Variants in FGF1 observed in about 807,000 individuals in gnomAD.
The protein encoded by FGF1 is beta-endothelial cell growth factor.
FGF1 carries 9 observed loss-of-function variants against 13.4 expected under a neutral mutation model. The observed-to-expected ratio is 0.67, with a 90% confidence interval of 0.40 to 1.17. The LOEUF is 1.17. FGF1 is among the 50% of genes most tolerant of loss of function. FGF1 has a pLI of 0.01. For synonymous variants in FGF1, 93 were observed against 79.0 expected, an observed-to-expected ratio of 1.18 and a Z score of -0.94; for missense variants, 156 against 192.7, an observed-to-expected ratio of 0.81 and a Z score of 1.13.
intron 1 of FGF1, among the ~76,000 whole-genome samples, chr5:142,655,171 T>C (rs1471910370): frequency 6.6e-6 from 1 of 152,192 alleles, no homozygotes; most frequent in East Asian, 1.9e-4. Context: ...AACGTGGTAA[T>C]AGCAGCACAG....
At chr5:142,651,056 A>G (rs1238250492) in intron 1 of FGF1, among the ~76,000 whole-genome samples, 1 of 152,086 alleles carries the variant, frequency 6.6e-6, no homozygotes, top group Non-Finnish European at 1.5e-5. Context: ...TCTCCTCCCT[A>G]TTCGTGCTTT....
chr5:142,667,162 T>G (rs1391289775), intron 1 of FGF1, among the ~76,000 whole-genome samples: 1 of 151,914 alleles, frequency 6.6e-6, no homozygotes, highest in Non-Finnish European at 1.5e-5. Context: ...CGGGAGCCTT[T>G]AGTCCCAGCT....
At chr5:142,602,841 T>C (rs1756881221) in intron 2 of FGF1, among the ~76,000 whole-genome samples, 2 of 152,280 alleles carry the variant, frequency 1.3e-5, no homozygotes, top group Non-Finnish European at 1.5e-5. Context: ...TGTTTAACCA[T>C]TTCTCTGTTA....
chr5:142,626,907 G>C (rs911950183), intron 1 of FGF1: 2 of 152,234 alleles, frequency 1.3e-5, no homozygotes, highest in Non-Finnish European at 2.9e-5. Context: ...GGTTTCTGCT[G>C]TGTCATTAAG....
chr5:142,639,491 C>T (rs1207210779), intron 1 of FGF1, among the ~76,000 whole-genome samples: 5 of 151,968 alleles, frequency 3.3e-5, no homozygotes, highest in African/African-American at 9.7e-5. Context: ...ACCACATGAT[C>T]TCACTTATAT....
chr5:142,659,130 T>C (rs1481681130), intron 1 of FGF1, among the ~76,000 whole-genome samples: 2 of 152,152 alleles, frequency 1.3e-5, no homozygotes, highest in Non-Finnish European at 2.9e-5. Flanking sequence ...TCGCCATCCT[T>C]GTTATAGTGA....
At chr5:142,618,503 C>T (rs1488545263) in intron 1 of FGF1, among the ~76,000 whole-genome samples, 1 of 152,170 alleles carries the variant, frequency 6.6e-6, no homozygotes, top group Non-Finnish European at 1.5e-5. Flanking sequence ...ATAATAGTAA[C>T]TGGTTATGTT....
rs17216953 is a variant in FGF1 at position 142,650,730 on chromosome 5, T to C, written c.-35+35227A>G. ...GTCTCATTATTTGAAACTATAGCAG[T>C]AGTTAAAGTAGCTGGATATTGCTGT... On this transcript the variant is annotated intron_variant, in intron 1 of 3. Coordinates refer to ENST00000337706, the MANE Select transcript of FGF1 (RefSeq NM_000800.5). Among the ~76,000 whole-genome samples, 285 of 151,978 alleles carry C rather than the reference T, an allele frequency of 1.9e-3. 1 individual carries two copies. Among genetic ancestry groups the C allele is most frequent in the Middle Eastern group, 6.8e-3 (2 of 294 alleles).
intron 1 of FGF1, among the ~76,000 whole-genome samples, chr5:142,673,335 G>C (rs371111357): frequency 6.6e-6 from 1 of 152,148 alleles, no homozygotes; most frequent in African/African-American, 2.4e-5. Flanking sequence ...TCCTATCTCA[G>C]CCAATGATAC....
At chr5:142,622,709 T>A (rs1276974476) in intron 1 of FGF1, among the ~76,000 whole-genome samples, 1 of 152,210 alleles carries the variant, frequency 6.6e-6, no homozygotes, top group Non-Finnish European at 1.5e-5. Context: ...GGCCCCACCT[T>A]CCACTCCCTG....
At chr5:142,618,720 C>T (rs1053355819) in intron 1 of FGF1, among the ~76,000 whole-genome samples, 1 of 152,004 alleles carries the variant, frequency 6.6e-6, no homozygotes, top group Admixed American at 6.5e-5. Context: ...AGAAAAAATC[C>T]TGGTCTGCAT....
At chr5:142,683,231 C>A (rs191690546) in intron 1 of FGF1, among the ~76,000 whole-genome samples, 1 of 152,294 alleles carries the variant, frequency 6.6e-6, no homozygotes, top group African/African-American at 2.4e-5. Context: ...ATGGGTGTGT[C>A]CACTCTGCAC....
chr5:142,675,637 C>G (rs1046729097), intron 1 of FGF1, among the ~76,000 whole-genome samples: 2 of 152,166 alleles, frequency 1.3e-5, no homozygotes, highest in African/African-American at 4.8e-5. Context: ...ACCGTCCGTC[C>G]GCTGAGACAG....
chr5:142,668,581 T>G (rs964492284), intron 1 of FGF1, among the ~76,000 whole-genome samples: 1 of 152,242 alleles, frequency 6.6e-6, no homozygotes, highest in Non-Finnish European at 1.5e-5. Flanking sequence ...AAGTGAAGCT[T>G]CCTGAACTTA....
chr5:142,619,969 C>T (rs1761190229), intron 1 of FGF1, among the ~76,000 whole-genome samples: 1 of 150,636 alleles, frequency 6.6e-6, no homozygotes, highest in African/African-American at 2.4e-5. Flanking sequence ...TATGTATAAT[C>T]ACAATAAATG....
chr5:142,595,131 A>G lies in FGF1; in HGVS notation c.*159T>C. 3.2e-6 allele frequency: 2 copies of G among 618,254 alleles called. No individual in the cohort carries two copies. The highest frequency in any genetic ancestry group is 5.7e-6 in the Non-Finnish European group (2 of 353,800). The allele number at this position is 618,254 out of a possible 1,614,324, so 38.3% of individuals were successfully genotyped here. Reference sequence around the variant, plus strand: ...ACTGTGCAGGGGTAAAAGGCTCTGCAAAGAAGTGAACTGGGCATTTAGAAG... The same window carrying G: ...ACTGTGCAGGGGTAAAAGGCTCTGCGAAGAAGTGAACTGGGCATTTAGAAG... On this transcript the variant is annotated 3_prime_UTR_variant, in exon 4 of 4. Coordinates refer to ENST00000337706, the MANE Select transcript of FGF1 (RefSeq NM_000800.5).
intron 3 of FGF1, among the ~76,000 whole-genome samples, chr5:142,599,241 A>G (rs1055822371): frequency 6.6e-6 from 1 of 152,222 alleles, no homozygotes; most frequent in Admixed American, 6.5e-5. Context: ...ACTACCTTAA[A>G]AAAATCCCCT....
intron 1 of FGF1, among the ~76,000 whole-genome samples, chr5:142,669,559 G>T (rs928476956): frequency 2.0e-5 from 3 of 152,220 alleles, no homozygotes; most frequent in African/African-American, 7.2e-5. Context: ...GGTGACTCGG[G>T]CATAGAGGGA....
intron 1 of FGF1, among the ~76,000 whole-genome samples, chr5:142,632,818 CTTGTAATGG>C (rs551111671): frequency 3.6e-4 from 54 of 152,080 alleles, no homozygotes; most frequent in Admixed American, 2.3e-3. Context: ...TGCACCTTCA[CTTGTAATGG>C]TTGTAATGGT....
Sources: allele counts gnomAD v4.1 joint callset (sites outside exome capture counted in the v4.1 genomes callset), GRCh38; gene constraint gnomAD v4.1.1; transcripts MANE v1.5; gene names NCBI Gene and HGNC (gene_info 2026-07-23, HGNC 2026-07-21).